Variants in RERE observed in about 807,000 individuals in gnomAD.
The protein encoded by RERE is arginine-glutamic acid dipeptide repeats, also known as arginine-glutamic acid dipeptide repeats protein.
Under a neutral mutation model 146.1 loss-of-function variants are expected in RERE, and 40 were observed. That is an observed-to-expected ratio of 0.27 (90% CI 0.21 to 0.36). RERE has a LOEUF of 0.36. Ranked by LOEUF, RERE falls within the 10% of genes least tolerant of loss-of-function variation. The pLI is 1.00. For synonymous variants in RERE, 1,003 were observed against 866.0 expected, an observed-to-expected ratio of 1.16 and a Z score of -2.78; for missense variants, 1,933 against 2,138.7, an observed-to-expected ratio of 0.90 and a Z score of 1.90.
At chr1:8,684,842 CCATTCATT>C (rs36157354) in intron 1 of RERE, among the ~76,000 whole-genome samples, 6 of 151,332 alleles carry the variant, frequency 4.0e-5, no homozygotes, top group East Asian at 3.9e-4. Context: ...ACTCATTCAT[CCATTCATT>C]CATTCATTCA....
rs186640202 is a variant in RERE at position 8,434,328 on chromosome 1, C to T, written c.1204-11521G>A. Among the ~76,000 whole-genome samples the T allele has an allele frequency of 9.2e-5, 14 of 152,238 alleles. No individual in the cohort carries two copies. In the East Asian group the frequency reaches 9.6e-4, roughly 10 times the overall value. On this transcript the variant is annotated intron_variant, in intron 11 of 22. Coordinates refer to ENST00000400908, the MANE Select transcript of RERE (RefSeq NM_001042681.2). The stretch of plus-strand genomic sequence containing the variant: ...ACACACCCTGCCACACCTGCGCTAT[C>T]GGTGGAATCAGAGAATGAGAAAGCT...
In RERE at chr1:8,723,653, G is replaced by A. The variant is rs77501380; in HGVS notation, c.-144-67212C>T. ...AAATTAAGCAAGTGCTTAATGTTAGGTAGAAAAAATATGTCGCTGTGAAAT... is the reference window on the plus strand; with the variant it reads ...AAATTAAGCAAGTGCTTAATGTTAGATAGAAAAAATATGTCGCTGTGAAAT... On this transcript the variant is annotated intron_variant, in intron 1 of 22. Coordinates refer to ENST00000400908, the MANE Select transcript of RERE (RefSeq NM_001042681.2). 9.6e-3 allele frequency among the ~76,000 whole-genome samples: 1,454 copies of A among 152,230 alleles called. 10 individuals carry two copies. Among genetic ancestry groups the A allele is most frequent in the Non-Finnish European group, 0.013 (900 of 68,024 alleles).
rs764045744 is a variant in RERE at position 8,364,168 on chromosome 1, G to A, written c.1628C>T (p.Pro543Leu). The A allele has an allele frequency of 4.0e-5, 64 of 1,614,020 alleles. No individual in the cohort carries two copies. The highest frequency in any genetic ancestry group is 4.7e-5 in the Non-Finnish European group (55 of 1,180,014). Residue 543 changes from proline (P) to leucine (L), a missense_variant, in exon 15 of 23, where the codon CCG becomes CTG. Transcript: ENST00000400908. This position sits in a 1 kb window ranked among gnomAD's most constrained non-coding sequence, Gnocchi z 5.1. ...CGGGTCCACGGGCTTCTCAATGGGCGGGAGCTCACCGTATTTCTTGAAGTG... is the reference window on the plus strand; with the variant it reads ...CGGGTCCACGGGCTTCTCAATGGGCAGGAGCTCACCGTATTTCTTGAAGTG... The part of the protein sequence containing the change: ...RIHFKKYGEL[P>L]PIEKPVDPPP...
intron 1 of RERE, among the ~76,000 whole-genome samples, chr1:8,761,853 C>T (rs1450645824): frequency 2.0e-5 from 3 of 151,968 alleles, no homozygotes; most frequent in Non-Finnish European, 2.9e-5. Flanking sequence ...ACCCAAGAGG[C>T]GGAGGTTGCA....
chr1:8,807,242 G>A (rs2029706), intron 1 of RERE, among the ~76,000 whole-genome samples: 43,930 of 151,808 alleles, frequency 0.29, 6,716 homozygotes, highest in Non-Finnish European at 0.32. Flanking sequence ...TTGCAGAGAC[G>A]GGGGTCTTGT....
chr1:8,789,732 TCTTTACTGAACG>T (rs1453933235), intron 1 of RERE, among the ~76,000 whole-genome samples: 1 of 152,172 alleles, frequency 6.6e-6, no homozygotes, highest in Non-Finnish European at 1.5e-5. Flanking sequence ...AACCAGGTTC[TCTTTACTGAACG>T]CTGCGCATAC....
At chr1:8,695,659 G>T (rs1639312760) in intron 1 of RERE, among the ~76,000 whole-genome samples, 1 of 151,014 alleles carries the variant, frequency 6.6e-6, no homozygotes, top group Non-Finnish European at 1.5e-5. Flanking sequence ...TACTTGGGAG[G>T]CTGAGGCAGA....
At chr1:8,625,062 GA>G (rs1213914358) in intron 2 of RERE, among the ~76,000 whole-genome samples, 2 of 152,190 alleles carry the variant, frequency 1.3e-5, no homozygotes, top group African/African-American at 2.4e-5. Context: ...AATTACATTT[GA>G]CATGGCAGTG....
chr1:8,491,134 C>T (rs1644974599), intron 10 of RERE, among the ~76,000 whole-genome samples: 1 of 150,600 alleles, frequency 6.6e-6, no homozygotes, highest in Non-Finnish European at 1.5e-5. Flanking sequence ...GAGACATCAT[C>T]TCTGCAAGTA....
intron 2 of RERE, among the ~76,000 whole-genome samples, chr1:8,648,655 A>G (rs1006633688): frequency 1.3e-5 from 2 of 152,228 alleles, no homozygotes; most frequent in African/African-American, 4.8e-5. Flanking sequence ...TTTGCATCAA[A>G]AGAAAATAAC....
intron 1 of RERE, among the ~76,000 whole-genome samples, chr1:8,708,622 G>A (rs1639602582): frequency 6.6e-6 from 1 of 151,978 alleles, no homozygotes; most frequent in Non-Finnish European, 1.5e-5. Context: ...CACTGAACCC[G>A]GCCAATCTGA....
rs954242616 is a variant in RERE at position 8,531,986 on chromosome 1, A to G, written c.830+9228T>C. 2.6e-5 allele frequency among the ~76,000 whole-genome samples: 4 copies of G among 152,356 alleles called. 1 individual carries two copies. The highest frequency in any genetic ancestry group is 4.1e-4 in the South Asian group (2 of 4,830). ...CTTGAGGGGGTGGACAACCCATTTT[A>G]CCATGATGTGTCTATAATGCATTGT... On this transcript the variant is annotated intron_variant, in intron 7 of 22. Coordinates refer to ENST00000400908, the MANE Select transcript of RERE (RefSeq NM_001042681.2).
At chr1:8,563,300 G>A (rs1646100395) in intron 4 of RERE, among the ~76,000 whole-genome samples, 2 of 152,132 alleles carry the variant, frequency 1.3e-5, no homozygotes, top group African/African-American at 2.4e-5. Context: ...AATAATAATC[G>A]AGGGGGTATC....
At chr1:8,508,799 C>T (rs370701753) in intron 7 of RERE, 124 bp from the exon 8 acceptor site, 1 of 728,706 alleles carries the variant, frequency 1.4e-6, no homozygotes. Flanking sequence ...AATTAACGTC[C>T]CCACTACTTC....
At chr1:8,421,747 G>A (rs867284762) in intron 12 of RERE, among the ~76,000 whole-genome samples, 4 of 152,038 alleles carry the variant, frequency 2.6e-5, no homozygotes, top group Admixed American at 6.6e-5. Context: ...CAAATTATCC[G>A]CATACTTTTA....
intron 11 of RERE, among the ~76,000 whole-genome samples, chr1:8,446,827 C>T (rs1228407632): frequency 5.9e-5 from 9 of 151,480 alleles, no homozygotes; most frequent in South Asian, 4.2e-4. Context: ...GCGCCCACTG[C>T]CACACCGGGC....
At chr1:8,637,704 A>C (rs926425520) in intron 2 of RERE, among the ~76,000 whole-genome samples, 1 of 152,190 alleles carries the variant, frequency 6.6e-6, no homozygotes, top group Non-Finnish European at 1.5e-5. Context: ...AGATTATACA[A>C]AGTCTCCTGT....
At chr1:8,530,291 A>T (rs184388654) in intron 7 of RERE, among the ~76,000 whole-genome samples, 41 of 152,308 alleles carry the variant, frequency 2.7e-4, no homozygotes, top group African/African-American at 9.6e-4. Flanking sequence ...TACACAATTC[A>T]AATCAATTTT....
In RERE at chr1:8,354,666, C is replaced by T. The variant is rs1167582633; in HGVS notation, c.*421G>A. On this transcript the variant is annotated 3_prime_UTR_variant, in exon 23 of 23. Transcript: ENST00000400908. ...ATTATAGCTCTTGGATTCCAAATTC[C>T]TATGCCCCCGATCTGCAAGCCTCGT... The T allele has an allele frequency of 1.2e-5, 2 of 167,572 alleles. No individual in the cohort carries two copies. Among genetic ancestry groups the T allele is most frequent in the Non-Finnish European group, 2.5e-5 (2 of 78,688 alleles). 10.4% of individuals were successfully genotyped at this position (167,572 alleles called of 1,614,324 possible).
Sources: gnomAD v4.1 joint callset for allele counts (sites outside exome capture counted in the v4.1 genomes callset) on GRCh38, gnomAD v4.1.1 for gene constraint, Gnocchi (gnomAD v3.1) non-coding constraint, MANE v1.5 for transcripts, NCBI Gene and HGNC (gene_info 2026-07-23, HGNC 2026-07-21) for gene names.